NRG1: variants seen among roughly 807,000 people sequenced by gnomAD.
The protein encoded by NRG1 is neuregulin 1, also known as pro-neuregulin-1, membrane-bound isoform.
In NRG1, 18 loss-of-function variants were observed where a neutral mutation model predicts 63.8. The ratio of observed to expected loss-of-function variants is 0.28; its 90% confidence interval spans 0.19 to 0.42. The LOEUF (loss-of-function observed/expected upper bound fraction) is 0.42. Ranked by LOEUF, NRG1 falls within the 10% of genes least tolerant of loss-of-function variation. NRG1 has a pLI of 1.00. For missense variants in NRG1, 762 were observed against 814.7 expected (o/e 0.94, Z 0.79); for synonymous variants, 302 against 301.3 (o/e 1.00, Z -0.02).
rs145640694 is a variant in NRG1 at position 31,874,186 on chromosome 8, C to T, written c.37+234755C>T. ...AAATTCAGGCGAATGAGTCTTTCCT[C>T]GGGCTCAGTGAGATCAGTGGGGTCA... is the stretch of plus-strand genomic sequence containing the variant. On this transcript the variant is annotated intron_variant, in intron 1 of 10. Coordinates refer to the NRG1 transcript ENST00000519301. Among the ~76,000 whole-genome samples, 20 of 152,270 alleles carry T rather than the reference C, an allele frequency of 1.3e-4. No individual in the cohort carries two copies. The East Asian group carries it at 3.1e-3, about 24-fold the overall frequency.
chr8:32,052,125 T>C (rs911208774), intron 1 of NRG1, among the ~76,000 whole-genome samples: 3 of 152,062 alleles, frequency 2.0e-5, no homozygotes, highest in African/African-American at 7.2e-5. Context: ...GCAGAGTCAG[T>C]AGTAAGATAC....
At chr8:32,216,143 A>T (rs1845200811) in intron 1 of NRG1, among the ~76,000 whole-genome samples, 1 of 150,856 alleles carries the variant, frequency 6.6e-6, no homozygotes, top group African/African-American at 2.4e-5. Context: ...TATATATTAT[A>T]TTAGAATTAA....
chr8:32,156,147 C>A (rs897928570), intron 1 of NRG1, among the ~76,000 whole-genome samples: 4 of 152,174 alleles, frequency 2.6e-5, no homozygotes, highest in Non-Finnish European at 4.4e-5. Context: ...TGCTCCTGAC[C>A]TTTTGCCCTC....
At chr8:32,586,158 CTATATATA>C (rs5890660) in intron 1 of NRG1, among the ~76,000 whole-genome samples, 6,327 of 146,312 alleles carry the variant, frequency 0.043, 200 homozygotes, top group African/African-American at 0.086. Flanking sequence ...GTTGAAAGTA[CTATATATA>C]TATATATATA....
chr8:31,669,735 A>G (rs1296759439), intron 1 of NRG1, among the ~76,000 whole-genome samples: 2 of 152,200 alleles, frequency 1.3e-5, no homozygotes, highest in African/African-American at 4.8e-5. Flanking sequence ...TAAGTACTTA[A>G]CAGTAAAAAA....
At chr8:32,422,661 C>T (rs1161103435) in intron 1 of NRG1, among the ~76,000 whole-genome samples, 1 of 152,218 alleles carries the variant, frequency 6.6e-6, no homozygotes, top group East Asian at 1.9e-4. Flanking sequence ...AGATTACTTT[C>T]TGCCTACAGT....
chr8:31,796,937 T>C (rs912496663), intron 1 of NRG1, among the ~76,000 whole-genome samples: 3 of 152,092 alleles, frequency 2.0e-5, no homozygotes, highest in African/African-American at 7.2e-5. Context: ...GTTTGCAAGA[T>C]CAGTGATTAT....
At chr8:32,605,586 A>G (rs965452201) in exon 3 of NRG1, 3 of 1,613,482 alleles carry the variant, frequency 1.9e-6, no homozygotes, top group South Asian at 1.1e-5. Context: ...GCATTAACAA[A>G]GCATCACTGG....
intron 1 of NRG1, among the ~76,000 whole-genome samples, chr8:31,840,120 C>A (rs1563467063): frequency 6.6e-6 from 1 of 152,104 alleles, no homozygotes; most frequent in African/African-American, 2.4e-5. Flanking sequence ...AATGGAGTAA[C>A]AAACAATTTA....
At chr8:31,808,352 C>T (rs1822500239) in intron 1 of NRG1, among the ~76,000 whole-genome samples, 1 of 151,946 alleles carries the variant, frequency 6.6e-6, no homozygotes, top group Non-Finnish European at 1.5e-5. Flanking sequence ...CTTCCTTCTT[C>T]CCTTTTACTC....
intron 1 of NRG1, among the ~76,000 whole-genome samples, chr8:32,038,889 T>C (rs1819494473): frequency 6.6e-6 from 1 of 152,080 alleles, no homozygotes; most frequent in Non-Finnish European, 1.5e-5. Context: ...GAAACCTCTG[T>C]CCAAGTGCCT....
chr8:32,280,579 T>C (rs1257297816), intron 1 of NRG1, among the ~76,000 whole-genome samples: 1 of 150,764 alleles, frequency 6.6e-6, no homozygotes, highest in Admixed American at 6.6e-5. Flanking sequence ...AGAGGGAGAG[T>C]AGTTATTGCT....
chr8:32,344,602 A>ATTTTTTTTT (rs61448713), intron 1 of NRG1, among the ~76,000 whole-genome samples: 1,403 of 101,188 alleles, frequency 0.014, 1 homozygote, highest in East Asian at 0.032. Context: ...ACACTCAGCT[A>ATTTTTTTTT]TTTTTTTTTT....
At chr8:32,270,538 GA>G (rs1233243382) in intron 1 of NRG1, among the ~76,000 whole-genome samples, 1 of 152,212 alleles carries the variant, frequency 6.6e-6, no homozygotes, top group Non-Finnish European at 1.5e-5. Context: ...GCAAAAGAAA[GA>G]AAATTCAAAA....
chr8:32,531,148 G>T (rs1415344560), intron 1 of NRG1, among the ~76,000 whole-genome samples: 4 of 151,664 alleles, frequency 2.6e-5, no homozygotes, highest in Non-Finnish European at 4.4e-5. Flanking sequence ...AGGAGAGAAG[G>T]AGAGAAAAGA....
At chr8:32,505,009 A>G (rs144251319) in intron 1 of NRG1, among the ~76,000 whole-genome samples, 5 of 152,266 alleles carry the variant, frequency 3.3e-5, no homozygotes, top group African/African-American at 1.2e-4. Flanking sequence ...GTGGTAGAAT[A>G]TTTTACAGCT....
chr8:32,497,172 C>T (rs938629790), intron 1 of NRG1, among the ~76,000 whole-genome samples: 15 of 152,092 alleles, frequency 9.9e-5, no homozygotes, highest in African/African-American at 3.4e-4. Flanking sequence ...TTCGCCCAGG[C>T]ACGGTGGCTC....
chr8:32,615,874 A>AG (rs1409482326), intron 4 of NRG1, among the ~76,000 whole-genome samples: 1 of 111,786 alleles, frequency 8.9e-6, no homozygotes, highest in East Asian at 2.1e-4. Context: ...GAAAAGAGAG[A>AG]GAAAAAAAGA....
chr8:32,340,177 T>C (rs1468031118), intron 1 of NRG1, among the ~76,000 whole-genome samples: 1 of 152,222 alleles, frequency 6.6e-6, no homozygotes, highest in Non-Finnish European at 1.5e-5. Context: ...TATTTTATAG[T>C]GTGCAACATT....
Sources: gnomAD v4.1 joint callset for allele counts (sites outside exome capture counted in the v4.1 genomes callset) on GRCh38, gnomAD v4.1.1 for gene constraint, MANE v1.5 for transcripts, NCBI Gene and HGNC (gene_info 2026-07-23, HGNC 2026-07-21) for gene names.